The following CAMKK1 variants were observed in gnomAD, a reference collection of about 807,000 sequenced individuals.
CAMKK1 encodes calcium/calmodulin-dependent protein kinase kinase 1.
CAMKK1 carries 20 observed loss-of-function variants against 63.5 expected under a neutral mutation model. The observed-to-expected ratio is 0.32, with a 90% CI of 0.22 to 0.46. The LOEUF (loss-of-function observed/expected upper bound fraction) is 0.46, where lower values mean the gene tolerates loss of function less well. Ranked by LOEUF, CAMKK1 falls within the 20% of genes least tolerant of loss-of-function variation. The probability of loss-of-function intolerance (pLI) is 1.00; values close to 1 mark genes in which losing one functional copy is unlikely to be tolerated. For missense variants in CAMKK1, 588 were observed against 658.1 expected (o/e 0.89, Z 1.17); for synonymous variants, 253 against 269.0 (o/e 0.94, Z 0.58).
Position 3,872,580 on chromosome 17 carries a change from C to A in CAMKK1, c.1098G>T (p.Lys366Asn). Residue 366 changes from lysine to asparagine, a missense_variant, in exon 12 of 16, where the codon AAG (lysine) becomes AAT (asparagine). Transcript: ENST00000348335. ...CCTCAGGAAACACCACGGGCTCATT[C>A]TTGATCTTCCTGTGGAGGGCCAGGA... is the stretch of plus-strand genomic sequence containing the variant. Reference protein sequence around the residue: ...DFILALHRKIKNEPVVFPEEP... With the variant: ...DFILALHRKINNEPVVFPEEP... 6.2e-7 allele frequency: 1 copy of A among 1,614,002 alleles called. No individual in the cohort carries two copies. The highest frequency in any genetic ancestry group is 8.5e-7 in the Non-Finnish European group (1 of 1,179,866).
At chr17:3,885,788 A>G in intron 1 of CAMKK1, 58 bp from the exon 2 acceptor site, 1 of 1,524,132 alleles carries the variant, frequency 6.6e-7, no homozygotes, top group Non-Finnish European at 8.8e-7. Context: ...CTACCAGGTA[A>G]GGTAGCCACA....
At chr17:3,871,994 C>T (rs904840456) in intron 12 of CAMKK1, among the ~76,000 whole-genome samples, 1 of 152,210 alleles carries the variant, frequency 6.6e-6, no homozygotes, top group African/African-American at 2.4e-5. Context: ...CCTGGGAGCT[C>T]AGGCTGTGGC....
chr17:3,881,406 AT>A (rs2055406056), intron 8 of CAMKK1, among the ~76,000 whole-genome samples: 1 of 152,210 alleles, frequency 6.6e-6, no homozygotes, highest in Non-Finnish European at 1.5e-5. Flanking sequence ...CTGGGTCAAA[AT>A]CCGTCCCCTT....
At chr17:3,886,904 A>G (rs956301241) in intron 1 of CAMKK1, among the ~76,000 whole-genome samples, 1 of 152,096 alleles carries the variant, frequency 6.6e-6, no homozygotes, top group African/African-American at 2.4e-5. Context: ...TGGACTCTGC[A>G]TGTTCTCAGG....
chr17:3,870,194 C>T (rs2054778351), intron 12 of CAMKK1, among the ~76,000 whole-genome samples: 2 of 152,084 alleles, frequency 1.3e-5, no homozygotes, highest in African/African-American at 4.8e-5. Flanking sequence ...TCCTTTTCTA[C>T]ACCCAGAGAA....
Position 3,879,709 on chromosome 17 carries a change from G to A in CAMKK1, c.796+637C>T, listed in dbSNP as rs367940173. ...ACCCGAATCATAAGTAGCCTCTTCA[G>A]GGAGACTTCCCCAGCCCCCCGGCAC... On this transcript the variant is annotated intron_variant, in intron 9 of 15. Transcript: ENST00000348335. This position sits in a 1 kb window ranked among gnomAD's most constrained non-coding sequence, Gnocchi z 4.5. 22 of 152,830 alleles carry A rather than the reference G, an allele frequency of 1.4e-4. No homozygotes were observed. Among genetic ancestry groups the A allele is most frequent in the African/African-American group, 4.1e-4 (17 of 41,566 alleles). The allele number at this position is 152,830 out of a possible 1,614,324, so 9.5% of individuals were successfully genotyped here. A position where few individuals can be genotyped will look rare whatever the true frequency, so the allele number is the denominator to read the frequency against.
intron 15 of CAMKK1, among the ~76,000 whole-genome samples, chr17:3,863,926 C>G (rs1462796393): frequency 6.6e-6 from 1 of 151,992 alleles, no homozygotes; most frequent in Non-Finnish European, 1.5e-5. Flanking sequence ...CGTCCACCTG[C>G]TGTCCTGGCA....
chr17:3,880,162 C>A, intron 9 of CAMKK1, 184 bp downstream of exon 9: 2 of 596,680 alleles, frequency 3.4e-6, no homozygotes, highest in Non-Finnish European at 6.0e-6. Context: ...GTGGAGTCCA[C>A]CGCCCGCCCC....
Position 3,880,910 on chromosome 17 carries a change from T to C in CAMKK1, c.708-476A>G, listed in dbSNP as rs186007728. ...GATAGCAATAGAAATATATATTTCTTGTTTTGGATAGAGGTCAAAACATTT... is the reference window on the plus strand; with the variant it reads ...GATAGCAATAGAAATATATATTTCTCGTTTTGGATAGAGGTCAAAACATTT... On this transcript the variant is annotated intron_variant, in intron 8 of 15. Coordinates refer to ENST00000348335, the MANE Select transcript of CAMKK1 (RefSeq NM_032294.3). Among the ~76,000 whole-genome samples, 179 of 152,332 alleles carry C rather than the reference T, an allele frequency of 1.2e-3. 2 individuals carry two copies. The highest frequency in any genetic ancestry group is 4.2e-3 in the African/African-American group (174 of 41,568).
chr17:3,881,990 G>C, intron 7 of CAMKK1: 1 of 525,358 alleles, frequency 1.9e-6, no homozygotes, highest in South Asian at 2.7e-5. Flanking sequence ...TAAAGCCTCA[G>C]CCTCTAATTC....
chr17:3,866,097 C>G lies in CAMKK1; in HGVS notation c.1342-86G>C, dbSNP rs1597439284. The G allele has an allele frequency of 3.9e-6, 6 of 1,520,628 alleles. No individual in the cohort carries two copies. In the East Asian group the frequency reaches 7.2e-5, roughly 18 times the overall value. The allele number at this position is 1,520,628 out of a possible 1,614,324, so 94.2% of individuals were successfully genotyped here. A position where few individuals can be genotyped will look rare whatever the true frequency, so the allele number is the denominator to read the frequency against. ...GCTCCGATTCCCCGAGAGCAGCTGC[C>G]AAGGGGGCCGCAGTGCGGGTCCCAT... On this transcript the variant is annotated intron_variant, in intron 14 of 15. Transcript: ENST00000348335.
intron 7 of CAMKK1, 142 bp from the exon 8 acceptor site, chr17:3,881,790 A>G (rs72825474): frequency 0.011 from 7,652 of 712,984 alleles, 58 homozygotes; most frequent in Non-Finnish European, 0.015. Flanking sequence ...ACCCTGGGAT[A>G]TGAGAGCAAA....
rs1462886024 is a variant in CAMKK1 at position 3,890,082 on chromosome 17, A to AAAG, written c.-44+2856_-44+2857insCTT. Among the ~76,000 whole-genome samples, 19 of 152,226 alleles carry AAAG rather than the reference A, an allele frequency of 1.2e-4. No individual in the cohort carries two copies. Among genetic ancestry groups the AAAG allele is most frequent in the Non-Finnish European group, 2.2e-4 (15 of 68,042 alleles). On this transcript the variant is annotated intron_variant, in intron 1 of 15. Transcript: ENST00000348335. This position sits in a 1 kb window ranked among gnomAD's most constrained non-coding sequence, Gnocchi z 6.5. The stretch of plus-strand genomic sequence containing the variant: ...AGGGAAAGCCGCAGAGGTGGCGGCC[A>AAAG]CCCAGGCCAGACACAGAAGGTGGTC...
intron 12 of CAMKK1, 32 bp from the exon 13 acceptor site, chr17:3,869,920 G>A (rs748563065): frequency 1.3e-6 from 2 of 1,575,822 alleles, no homozygotes; most frequent in Non-Finnish European, 1.7e-6. Context: ...GAGGAGGGTG[G>A]GACCGCTGAT....
Position 3,892,487 on chromosome 17 carries a change from C to T in CAMKK1, c.-44+452G>A, listed in dbSNP as rs1465771179. 6.6e-6 allele frequency among the ~76,000 whole-genome samples: 1 copy of T among 152,162 alleles called. No individual in the cohort carries two copies. Among genetic ancestry groups the T allele is most frequent in the African/African-American group, 2.4e-5 (1 of 41,444 alleles). ...GCGCAGCCTGAGCCGCGCGCCGCCG[C>T]CGCCCCATTCATCTCCCACCCCGCC... is the stretch of plus-strand genomic sequence containing the variant. On this transcript the variant is annotated intron_variant, in intron 1 of 15. Transcript: ENST00000348335. This position sits in a 1 kb window ranked among gnomAD's most constrained non-coding sequence, Gnocchi z 7.5.
chr17:3,883,865 C>CTCG lies in CAMKK1; in HGVS notation c.462+16_462+18dup, dbSNP rs2055525317. On this transcript the variant is annotated intron_variant, in intron 4 of 15. Coordinates refer to ENST00000348335, the MANE Select transcript of CAMKK1 (RefSeq NM_032294.3). This position sits in a 1 kb window ranked among gnomAD's most constrained non-coding sequence, Gnocchi z 4.7. The stretch of plus-strand genomic sequence containing the variant: ...AGGGCCTGGCTTGGGCAACACCTCC[C>CTCG]TCGTATCCCCAGACTCACATAGTGT... 1.9e-6 allele frequency: 3 copies of CTCG among 1,613,496 alleles called. No homozygotes were observed. The African/African-American group carries it at 4.0e-5, about 22-fold the overall frequency.
chr17:3,863,819 CA>C (rs1325777283), intron 15 of CAMKK1, among the ~76,000 whole-genome samples: 4 of 152,214 alleles, frequency 2.6e-5, no homozygotes, highest in Admixed American at 6.5e-5. Flanking sequence ...TTGCCAGGTA[CA>C]AACTAGACAC....
rs1352721003 is a variant in CAMKK1 at position 3,883,104 on chromosome 17, C to T, written c.586G>A (p.Val196Met). Residue 196 changes from valine (V) to methionine (M), a missense_variant, in exon 6 of 16, where the codon GTG becomes ATG. Coordinates refer to ENST00000348335, the MANE Select transcript of CAMKK1 (RefSeq NM_032294.3). The surrounding 1 kb of genome is among the most constrained non-coding windows in gnomAD (Gnocchi z 4.7). The part of the protein sequence containing the change: ...PAKQLLPLER[V>M]YQEIAILKKL... ...TTCAGGATGGCAATCTCCTGGTACACCCGCTCCAGGGGCAGCAGCTGCTTG... is the reference window on the plus strand; with the variant it reads ...TTCAGGATGGCAATCTCCTGGTACATCCGCTCCAGGGGCAGCAGCTGCTTG... The T allele has an allele frequency of 6.2e-7, 1 of 1,613,782 alleles. No homozygotes were observed. Among genetic ancestry groups the T allele is most frequent in the Non-Finnish European group, 8.5e-7 (1 of 1,179,976 alleles).
In CAMKK1 at chr17:3,892,760, ACCCCGCAGACCCGG is replaced by A. The variant is rs905793212; in HGVS notation, c.-44+165_-44+178del. Among the ~76,000 whole-genome samples, 14 of 151,544 alleles carry A rather than the reference ACCCCGCAGACCCGG, an allele frequency of 9.2e-5. No individual in the cohort carries two copies. Among genetic ancestry groups the A allele is most frequent in the African/African-American group, 3.4e-4 (14 of 41,248 alleles). Reference sequence around the variant, plus strand: ...CAGACCCGAGCAGACTCCGCGAGGCACCCCGCAGACCCGGCCCCGCAGACAGAAGGGGAAGGATC... The same window carrying A: ...CAGACCCGAGCAGACTCCGCGAGGCACCCCGCAGACAGAAGGGGAAGGATC... On this transcript the variant is annotated intron_variant, in intron 1 of 15. Coordinates refer to ENST00000348335, the MANE Select transcript of CAMKK1 (RefSeq NM_032294.3). This position sits in a 1 kb window ranked among gnomAD's most constrained non-coding sequence, Gnocchi z 7.5.
Sources: allele counts gnomAD v4.1 joint callset (sites outside exome capture counted in the v4.1 genomes callset), GRCh38; gene constraint gnomAD v4.1.1; non-coding constraint Gnocchi (gnomAD v3.1); transcripts MANE v1.5; gene names NCBI Gene and HGNC (gene_info 2026-07-23, HGNC 2026-07-21).